The following GRID2 variants were observed in gnomAD, a reference collection of about 807,000 sequenced individuals.
The protein encoded by GRID2 is glutamate receptor ionotropic, delta-2.
Under a neutral mutation model 114.8 loss-of-function variants are expected in GRID2, and 33 were observed. The ratio of observed to expected loss-of-function variants is 0.29; its 90% CI spans 0.22 to 0.38. The LOEUF is 0.38. Among genes scored for constraint, GRID2 ranks in the 10% least tolerant of loss-of-function variants. The probability of loss-of-function intolerance (pLI) is 1.00; values close to 1 mark genes in which losing one functional copy is unlikely to be tolerated. For missense variants in GRID2, 1,184 were observed against 1,257.7 expected (o/e 0.94, Z 0.89); for synonymous variants, 505 against 449.9 (o/e 1.12, Z -1.55).
At chr4:93,118,083 T>A (rs1733448770) in intron 4 of GRID2, among the ~76,000 whole-genome samples, 1 of 152,154 alleles carries the variant, frequency 6.6e-6, no homozygotes, top group Non-Finnish European at 1.5e-5. Context: ...CTTCTATGAC[T>A]CTGCAGGTAG....
At chr4:92,953,422 A>C (rs1380957744) in intron 2 of GRID2, among the ~76,000 whole-genome samples, 2 of 152,176 alleles carry the variant, frequency 1.3e-5, no homozygotes, top group African/African-American at 4.8e-5. Flanking sequence ...TAGCTTTAGA[A>C]AAATTCAGTA....
chr4:92,463,453 A>G (rs1353237091), intron 1 of GRID2, among the ~76,000 whole-genome samples: 3 of 152,032 alleles, frequency 2.0e-5, no homozygotes, highest in African/African-American at 7.2e-5. Flanking sequence ...TTCATCATTC[A>G]GACAACTTTT....
At chr4:92,506,603 C>CTT (rs112372430) in intron 1 of GRID2, among the ~76,000 whole-genome samples, 227 of 151,540 alleles carry the variant, frequency 1.5e-3, no homozygotes, top group African/African-American at 5.2e-3. Flanking sequence ...TGAAAATTGT[C>CTT]TTTTTTTTAT....
At chr4:93,476,741 A>T (rs547227589) in intron 11 of GRID2, among the ~76,000 whole-genome samples, 18 of 152,258 alleles carry the variant, frequency 1.2e-4, no homozygotes, top group Admixed American at 7.2e-4. Context: ...AATACATGTG[A>T]TGGGAAGTAT....
chr4:92,352,126 A>G (rs566860668), intron 1 of GRID2, among the ~76,000 whole-genome samples: 17 of 151,628 alleles, frequency 1.1e-4, no homozygotes, highest in Non-Finnish European at 1.9e-4. Context: ...AGTGTATTAG[A>G]TTTCCCTTTT....
rs574511951 is a variant in GRID2, at chr4:93,801,443, T to C, written c.222-5272T>C. ...AATTCAATGACATAGTCCTGAAAGA[T>C]TTGTCACATAAAGTATGATATGTGA... On this transcript the variant is annotated intron_variant, in intron 1 of 1. Transcript: ENST00000637838. 1.6e-4 allele frequency among the ~76,000 whole-genome samples: 25 copies of C among 152,186 alleles called. No homozygotes were observed. The South Asian group carries it at 5.0e-3, about 30-fold the overall frequency.
At chr4:92,636,961 A>T (rs1731094237) in intron 2 of GRID2, among the ~76,000 whole-genome samples, 1 of 151,930 alleles carries the variant, frequency 6.6e-6, no homozygotes, top group African/African-American at 2.4e-5. Flanking sequence ...CAGTTGTCAA[A>T]CGTATTTTCT....
chr4:92,620,823 A>G (rs979991918), intron 2 of GRID2, among the ~76,000 whole-genome samples: 5 of 151,258 alleles, frequency 3.3e-5, no homozygotes, highest in Admixed American at 1.3e-4. Context: ...GGATAGCATT[A>G]GGAGATATAC....
chr4:93,497,905 A>G (rs10010161), intron 12 of GRID2, among the ~76,000 whole-genome samples: 108,652 of 151,650 alleles, frequency 0.72, 39,367 homozygotes, highest in Middle Eastern at 0.82. Flanking sequence ...CATTAAATAA[A>G]TTGGAGTGAG....
chr4:93,049,759 C>T (rs1489360918), intron 2 of GRID2, among the ~76,000 whole-genome samples: 3 of 151,748 alleles, frequency 2.0e-5, no homozygotes, highest in Non-Finnish European at 2.9e-5. Context: ...ATGTGATTAT[C>T]ATAGTTATTT....
chr4:92,587,986 G>A (rs1485113201), intron 1 of GRID2, among the ~76,000 whole-genome samples: 3 of 152,082 alleles, frequency 2.0e-5, no homozygotes, highest in African/African-American at 4.8e-5. Flanking sequence ...ACTACTTTGC[G>A]AATAGACATT....
intron 4 of GRID2, among the ~76,000 whole-genome samples, chr4:93,124,215 C>T (rs1734070004): frequency 6.6e-6 from 1 of 151,560 alleles, no homozygotes. Flanking sequence ...GACAGGCTAA[C>T]ATATGAAGGT....
intron 14 of GRID2, among the ~76,000 whole-genome samples, chr4:93,649,388 T>C (rs367891092): frequency 6.6e-6 from 1 of 152,200 alleles, no homozygotes; most frequent in East Asian, 1.9e-4. Context: ...TAAAGTTTCA[T>C]TTATTTTTTT....
At chr4:93,063,002 G>A (rs1194556112) in intron 2 of GRID2, among the ~76,000 whole-genome samples, 1 of 151,816 alleles carries the variant, frequency 6.6e-6, no homozygotes, top group African/African-American at 2.4e-5. Context: ...TATTTAAAGA[G>A]AGCAAACTTA....
At chr4:92,810,022 TCTTCAA>T (rs1262036514) in intron 2 of GRID2, among the ~76,000 whole-genome samples, 1 of 152,072 alleles carries the variant, frequency 6.6e-6, no homozygotes, top group African/African-American at 2.4e-5. Flanking sequence ...TATTGATAAT[TCTTCAA>T]CTTTAAACAT....
chr4:92,839,497 A>G (rs1320103948), intron 2 of GRID2, among the ~76,000 whole-genome samples: 1 of 145,434 alleles, frequency 6.9e-6, no homozygotes, highest in Non-Finnish European at 1.5e-5. Flanking sequence ...TTTAAAATTA[A>G]TGTTTTTAAA....
At chr4:93,678,890 T>C (rs1472987939) in intron 14 of GRID2, among the ~76,000 whole-genome samples, 4 of 149,246 alleles carry the variant, frequency 2.7e-5, no homozygotes, top group Admixed American at 6.7e-5. Context: ...AATAACCAGC[T>C]AACATCATAA....
At chr4:93,440,613 C>G (rs1048785002) in intron 10 of GRID2, among the ~76,000 whole-genome samples, 1 of 152,066 alleles carries the variant, frequency 6.6e-6, no homozygotes, top group African/African-American at 2.4e-5. Flanking sequence ...GGAGATCATA[C>G]AACCTGTTTG....
At chr4:92,633,743 A>G (rs1291085098) in intron 2 of GRID2, among the ~76,000 whole-genome samples, 6 of 152,204 alleles carry the variant, frequency 3.9e-5, no homozygotes, top group African/African-American at 1.4e-4. Flanking sequence ...ACTTAAGGGC[A>G]TAATGGCCAT....
Sources: gnomAD v4.1 joint callset for allele counts (sites outside exome capture counted in the v4.1 genomes callset) on GRCh38, gnomAD v4.1.1 for gene constraint, MANE v1.5 for transcripts, NCBI Gene and HGNC (gene_info 2026-07-23, HGNC 2026-07-21) for gene names.